PSD3: variants seen among roughly 807,000 people sequenced by gnomAD.
PSD3 encodes the protein pleckstrin and Sec7 domain containing 3, also known as PH and SEC7 domain-containing protein 3.
In PSD3, 49 loss-of-function variants were observed where a neutral mutation model predicts 105.5. That is an observed-to-expected ratio of 0.46 (90% CI 0.37 to 0.59). The LOEUF (loss-of-function observed/expected upper bound fraction) is 0.59. PSD3 is among the 20% of genes least tolerant of loss of function. The probability of loss-of-function intolerance (pLI) is 0.00; values close to 1 mark genes in which losing one functional copy is unlikely to be tolerated. For missense variants in PSD3, 1,561 were observed against 1,263.8 expected (o/e 1.24, Z -3.57); for synonymous variants, 557 against 457.8 (o/e 1.22, Z -2.77).
intron 4 of PSD3, among the ~76,000 whole-genome samples, chr8:18,831,718 T>C (rs547309188): frequency 6.6e-6 from 1 of 152,160 alleles, no homozygotes; most frequent in South Asian, 2.1e-4. Flanking sequence ...TGAGACTCCA[T>C]CTCAAAAAAT....
intron 8 of PSD3, among the ~76,000 whole-genome samples, chr8:18,776,088 T>C (rs1303796759): frequency 6.6e-6 from 1 of 151,960 alleles, no homozygotes; most frequent in South Asian, 2.1e-4. Flanking sequence ...CTGAGCACCA[T>C]TTATTGAAGA....
At chr8:18,918,822 G>T (rs1450245196) in intron 2 of PSD3, among the ~76,000 whole-genome samples, 1 of 152,048 alleles carries the variant, frequency 6.6e-6, no homozygotes, top group East Asian at 1.9e-4. Context: ...CGTGGAGGGA[G>T]GGCACTGTAC....
chr8:19,028,732 TTG>T (rs1305606712), intron 1 of PSD3, among the ~76,000 whole-genome samples: 1 of 152,194 alleles, frequency 6.6e-6, no homozygotes, highest in Non-Finnish European at 1.5e-5. Flanking sequence ...TTGTGCTATG[TTG>T]TGTCCTGAGA....
At position 18,531,817 on chromosome 8, in the gene PSD3, T is replaced by G. The variant is rs920746719; in HGVS notation, c.*3926A>C. 5.3e-5 allele frequency: 8 copies of G among 152,204 alleles called. No homozygotes were observed. Among genetic ancestry groups the G allele is most frequent in the Non-Finnish European group, 1.5e-5 (1 of 68,034 alleles). The allele number at this position is 152,204 out of a possible 1,614,324, so 9.4% of individuals were successfully genotyped here. A position where few individuals can be genotyped will look rare whatever the true frequency, so the allele number is the denominator to read the frequency against. On this transcript the variant is annotated 3_prime_UTR_variant, in exon 16 of 16. Transcript: ENST00000327040. ...TTGTTTTACAGTGCTAATTTTACAATTGGAAAAAATTCTGTCATTTGAAAA... is the reference window on the plus strand; with the variant it reads ...TTGTTTTACAGTGCTAATTTTACAAGTGGAAAAAATTCTGTCATTTGAAAA...
chr8:18,571,032 G>A (rs1430462613), intron 14 of PSD3, among the ~76,000 whole-genome samples: 1 of 151,954 alleles, frequency 6.6e-6, no homozygotes, highest in African/African-American at 2.4e-5. Flanking sequence ...GCTAATTTTT[G>A]TATTTTTTAC....
intron 9 of PSD3, among the ~76,000 whole-genome samples, chr8:18,759,149 A>T (rs1357404261): frequency 1.3e-5 from 2 of 150,468 alleles, no homozygotes; most frequent in South Asian, 4.2e-4. Context: ...CTCTTCCCTT[A>T]AGGGAAGACG....
intron 1 of PSD3, among the ~76,000 whole-genome samples, chr8:19,062,354 T>G (rs1208029322): frequency 6.6e-6 from 1 of 152,190 alleles, no homozygotes; most frequent in Non-Finnish European, 1.5e-5. Context: ...ATGCTGTCTG[T>G]TACCTTAGAA....
intron 10 of PSD3, among the ~76,000 whole-genome samples, chr8:18,648,753 G>A (rs55932148): frequency 6.6e-6 from 1 of 152,138 alleles, no homozygotes; most frequent in Non-Finnish European, 1.5e-5. Context: ...GAGAAGAATG[G>A]TTTCATAGGC....
chr8:18,797,229 C>T (rs752637282), intron 8 of PSD3, among the ~76,000 whole-genome samples: 1 of 152,076 alleles, frequency 6.6e-6, no homozygotes, highest in Admixed American at 6.6e-5. Context: ...CCAAGTATAT[C>T]GCACACATTT....
intron 1 of PSD3, among the ~76,000 whole-genome samples, chr8:19,058,796 T>G (rs1586677730): frequency 6.6e-6 from 1 of 151,962 alleles, no homozygotes; most frequent in South Asian, 2.1e-4. Flanking sequence ...GCCTGTAGGG[T>G]GAGAGGGAGC....
chr8:19,015,644 G>A (rs570131484), upstream of PSD3, among the ~76,000 whole-genome samples: 38 of 152,322 alleles, frequency 2.5e-4, no homozygotes, highest in South Asian at 7.9e-3. Context: ...AGGCAGGGTG[G>A]ACATAGATTT....
chr8:18,829,581 T>C (rs1056768988), intron 4 of PSD3, among the ~76,000 whole-genome samples: 6 of 152,194 alleles, frequency 3.9e-5, no homozygotes, highest in African/African-American at 1.4e-4. Flanking sequence ...ATGTGGTCTT[T>C]GGCTCATGTT....
chr8:18,559,595 G>C (rs145010760), intron 14 of PSD3, among the ~76,000 whole-genome samples: 18 of 149,668 alleles, frequency 1.2e-4, no homozygotes, highest in Non-Finnish European at 4.4e-5. Context: ...GAAAAAATAG[G>C]ATTTTAGGTA....
At chr8:18,823,940 G>T (rs1812963844) in intron 4 of PSD3, among the ~76,000 whole-genome samples, 1 of 152,156 alleles carries the variant, frequency 6.6e-6, no homozygotes, top group Admixed American at 6.5e-5. Flanking sequence ...TGCACTTTGG[G>T]TGGCTGAGGC....
In PSD3 at chr8:18,632,650, C is replaced by T; in HGVS notation, c.2373G>A (p.Leu791=). ...CCATATCTGCATGAATTTTCCGAGCCAAGAATCCACTTTTGTACACAGCAG... is the reference window on the plus strand; with the variant it reads ...CCATATCTGCATGAATTTTCCGAGCTAAGAATCCACTTTTGTACACAGCAG... ...PNAAVYKSGF[L]ARKIHADMDG... The change falls in exon 11 of 16, where the codon TTG becomes TTA. Residue 791 remains leucine, a synonymous_variant. Coordinates refer to ENST00000327040, the MANE Select transcript of PSD3 (RefSeq NM_015310.4). 1.2e-6 allele frequency: 2 copies of T among 1,612,244 alleles called. No homozygotes were observed. The highest frequency in any genetic ancestry group is 1.7e-6 in the Non-Finnish European group (2 of 1,179,008).
chr8:19,071,622 C>T (rs758498197), intron 1 of PSD3, among the ~76,000 whole-genome samples: 30 of 152,110 alleles, frequency 2.0e-4, no homozygotes, highest in Non-Finnish European at 3.5e-4. Context: ...GAGGCAGCAC[C>T]CTGAAATAAG....
intron 2 of PSD3, among the ~76,000 whole-genome samples, chr8:18,902,078 C>A (rs1426145596): frequency 1.3e-5 from 2 of 152,138 alleles, no homozygotes; most frequent in Non-Finnish European, 2.9e-5. Flanking sequence ...ATTCCTGGCT[C>A]TAGATGTCCA....
intron 9 of PSD3, among the ~76,000 whole-genome samples, chr8:18,725,944 C>T (rs1170937334): frequency 3.3e-5 from 5 of 152,212 alleles, no homozygotes; most frequent in Admixed American, 6.5e-5. Flanking sequence ...CTTCATGTCC[C>T]GCCCACTTCC....
intron 11 of PSD3, among the ~76,000 whole-genome samples, chr8:18,625,285 T>C (rs1164233058): frequency 6.6e-6 from 1 of 152,028 alleles, no homozygotes; most frequent in Non-Finnish European, 1.5e-5. Context: ...ATATCATCCA[T>C]CAAATTTTTA....
Sources: allele counts gnomAD v4.1 joint callset (sites outside exome capture counted in the v4.1 genomes callset), GRCh38; gene constraint gnomAD v4.1.1; transcripts MANE v1.5; gene names NCBI Gene and HGNC (gene_info 2026-07-23, HGNC 2026-07-21).